ACACA: variants seen among roughly 807,000 people sequenced by gnomAD.
ACACA encodes the protein acetyl-CoA carboxylase alpha, also known as acetyl-CoA carboxylase 1.
ACACA carries 103 observed loss-of-function variants against 296.1 expected under a neutral mutation model. The observed-to-expected ratio is 0.35, with a 90% CI of 0.30 to 0.41. The LOEUF (loss-of-function observed/expected upper bound fraction) is 0.41, where lower values mean the gene tolerates loss of function less well. Ranked by LOEUF, ACACA falls within the 10% of genes least tolerant of loss-of-function variation. The probability of loss-of-function intolerance (pLI) is 1.00; values close to 1 mark genes in which losing one functional copy is unlikely to be tolerated. For synonymous variants in ACACA, 953 were observed against 1,038.6 expected (o/e 0.92, Z 1.58); for missense variants, 1,554 against 2,989.7 (o/e 0.52, Z 11.20).
chr17:37,283,424 T>C lies in ACACA; in HGVS notation c.472-19A>G, dbSNP rs1164776634. 6.2e-7 allele frequency: 1 copy of C among 1,613,240 alleles called. No individual in the cohort carries two copies. Among genetic ancestry groups the C allele is most frequent in the East Asian group, 2.2e-5 (1 of 44,838 alleles). ...TAAGAACCTGGGAGGGGGAAGGAGA[T>C]GGGAATGGGAAGAAAAGGCAGAAAA... On this transcript the variant is annotated intron_variant, in intron 4 of 55. Coordinates refer to ENST00000616317, the MANE Select transcript of ACACA (RefSeq NM_198834.3).
At chr17:37,321,707 C>T (rs2047364080) in intron 3 of ACACA, among the ~76,000 whole-genome samples, 1 of 152,068 alleles carries the variant, frequency 6.6e-6, no homozygotes, top group African/African-American at 2.4e-5. Flanking sequence ...GAGATTGCGC[C>T]ACTGCCCTCC....
At chr17:37,373,338 C>T (rs1244146519) in intron 1 of ACACA, among the ~76,000 whole-genome samples, 1 of 151,954 alleles carries the variant, frequency 6.6e-6, no homozygotes, top group Non-Finnish European at 1.5e-5. Context: ...ACCTCTGCTT[C>T]CTGAGTTCAA....
chr17:37,252,123 A>G lies in ACACA; in HGVS notation c.1978-15T>C, dbSNP rs1172576473. On this transcript the variant is annotated splice_polypyrimidine_tract_variant and intron_variant, in intron 15 of 55. Coordinates refer to ENST00000616317, the MANE Select transcript of ACACA (RefSeq NM_198834.3). The stretch of plus-strand genomic sequence containing the variant: ...GGTCGCTCAGCCTGAAAGGAGGAAA[A>G]AGAGGGCAGATCAAATGCATGGTCA... The G allele has an allele frequency of 6.2e-7, 1 of 1,609,920 alleles. No homozygotes were observed. The highest frequency in any genetic ancestry group is 8.5e-7 in the Non-Finnish European group (1 of 1,176,278).
At position 37,216,188 on chromosome 17, in the gene ACACA, A is replaced by ATGTGTG. The variant is rs2078986029; in HGVS notation, c.3683+5535_3683+5536insCACACA. On this transcript the variant is annotated intron_variant, in intron 29 of 55. Coordinates refer to ENST00000616317, the MANE Select transcript of ACACA (RefSeq NM_198834.3). ...ACACATGTTACATATACATACACAC[A>ATGTGTG]CGTGTGTGTGTGTGTGTGTGTATAT... Among the ~76,000 whole-genome samples the ATGTGTG allele has an allele frequency of 2.8e-5, 3 of 108,448 alleles. No homozygotes were observed. The Admixed American group carries it at 2.9e-4, about 10-fold the overall frequency. 71.1% of individuals were successfully genotyped at this position (108,448 alleles called of 152,430 possible).
chr17:37,401,969 C>T (rs964939384), intron 1 of ACACA, among the ~76,000 whole-genome samples: 9 of 152,138 alleles, frequency 5.9e-5, no homozygotes, highest in Non-Finnish European at 1.0e-4. Flanking sequence ...TGACAAGATA[C>T]AAGTTTTCTT....
chr17:37,142,787 T>C (rs1219724513), intron 45 of ACACA, among the ~76,000 whole-genome samples: 1 of 152,180 alleles, frequency 6.6e-6, no homozygotes, highest in Non-Finnish European at 1.5e-5. Context: ...CTTTCCAAAG[T>C]GCGTTGATTG....
rs73982253 is a variant in ACACA, at chr17:37,168,209, T to C, written c.5080-6159A>G. 1.1e-3 allele frequency among the ~76,000 whole-genome samples: 169 copies of C among 152,302 alleles called. 1 individual carries two copies. Among genetic ancestry groups the C allele is most frequent in the African/African-American group, 4.0e-3 (166 of 41,570 alleles). The stretch of plus-strand genomic sequence containing the variant: ...ATTAAATACATGTTAAGTCCTAGGA[T>C]AGTGCCTGGTATATAGTAAGTGCAT... On this transcript the variant is annotated intron_variant, in intron 41 of 55. Transcript: ENST00000616317.
intron 1 of ACACA, among the ~76,000 whole-genome samples, chr17:37,348,859 G>A (rs1257046449): frequency 1.3e-5 from 2 of 150,128 alleles, no homozygotes; most frequent in Non-Finnish European, 2.9e-5. Context: ...TGAGGCAGGA[G>A]AATGGCGTGA....
At position 37,275,506 on chromosome 17, in the gene ACACA, AAAAAAAAG is replaced by A. The variant is rs1185462625; in HGVS notation, c.901+437_901+444del. ...GTGAGACTCCAACTCAAAAAAAAAAAAAAAAAAGAAAAAAAAAGAAAAAAAACATTGGC... is the reference window on the plus strand; with the variant it reads ...GTGAGACTCCAACTCAAAAAAAAAAAAAAAAAAAAGAAAAAAAACATTGGC... On this transcript the variant is annotated intron_variant, in intron 8 of 55. Coordinates refer to ENST00000616317, the MANE Select transcript of ACACA (RefSeq NM_198834.3). 1.4e-4 allele frequency among the ~76,000 whole-genome samples: 20 copies of A among 147,658 alleles called. No homozygotes were observed. In the East Asian group the frequency reaches 3.9e-3, roughly 29 times the overall value.
intron 2 of ACACA, among the ~76,000 whole-genome samples, chr17:37,334,212 C>T (rs543279382): frequency 2.6e-5 from 4 of 152,116 alleles, no homozygotes; most frequent in Non-Finnish European, 4.4e-5. Context: ...CCCCAAAAAG[C>T]AGGACTTAGT....
In ACACA at chr17:37,284,836, A is replaced by G. The variant is rs2082696302; in HGVS notation, c.471+2T>C. ...AAAATAATTCAGCAAGTTACAACTTACCTTCTCAATCACTTTATTTCCCCC... is the reference window on the plus strand; with the variant it reads ...AAAATAATTCAGCAAGTTACAACTTGCCTTCTCAATCACTTTATTTCCCCC... On this transcript the variant is annotated splice_donor_variant, in intron 4 of 55. Transcript: ENST00000616317. LOFTEE classifies it high-confidence loss of function. 1 of 1,614,098 alleles carries G rather than the reference A, an allele frequency of 6.2e-7. No homozygotes were observed. The highest frequency in any genetic ancestry group is 1.7e-5 in the Admixed American group (1 of 60,006).
At chr17:37,090,072 T>G (rs747992930) in intron 54 of ACACA, among the ~76,000 whole-genome samples, 3 of 152,198 alleles carry the variant, frequency 2.0e-5, no homozygotes, top group Admixed American at 6.5e-5. Flanking sequence ...GTGGGTGTGT[T>G]TGTTAGGGAC....
At position 37,174,020 on chromosome 17, in the gene ACACA, A is replaced by ATTTTTTTTTTTT. The variant is rs71159693; in HGVS notation, c.5079+5228_5079+5239dup. Reference sequence around the variant, plus strand: ...TATATATATATATATATATATATATATTTTTTTTTTTTTTTTTTTTTGTAG... The same window carrying ATTTTTTTTTTTT: ...TATATATATATATATATATATATATATTTTTTTTTTTTTTTTTTTTTTTTTTTTTTTTTGTAG... On this transcript the variant is annotated intron_variant, in intron 41 of 55. Coordinates refer to ENST00000616317, the MANE Select transcript of ACACA (RefSeq NM_198834.3). 7.7e-4 allele frequency among the ~76,000 whole-genome samples: 13 copies of ATTTTTTTTTTTT among 16,798 alleles called. 1 individual carries two copies. Among genetic ancestry groups the ATTTTTTTTTTTT allele is most frequent in the Admixed American group, 5.0e-3 (4 of 794 alleles). The allele number at this position is 16,798 out of a possible 152,430, so 11.0% of individuals were successfully genotyped here.
chr17:37,255,666 T>G (rs2081193842), intron 14 of ACACA, among the ~76,000 whole-genome samples: 1 of 152,214 alleles, frequency 6.6e-6, no homozygotes, highest in Admixed American at 6.5e-5. Context: ...GCAGACTGAA[T>G]AGGAGCTGTG....
chr17:37,115,762 C>T (rs796879297), intron 50 of ACACA, among the ~76,000 whole-genome samples: 10 of 152,054 alleles, frequency 6.6e-5, no homozygotes, highest in South Asian at 4.2e-4. Context: ...ATGAAATGGA[C>T]GTGGGCTCCT....
At chr17:37,179,116 T>C in intron 41 of ACACA, 144 bp downstream of exon 41, 2 of 1,030,586 alleles carry the variant, frequency 1.9e-6, no homozygotes, top group Non-Finnish European at 2.9e-6. Flanking sequence ...AATTAATAAT[T>C]TCTTGATACT....
At chr17:37,330,108 T>C in intron 3 of ACACA, 65 bp downstream of exon 3, 1 of 1,598,428 alleles carries the variant, frequency 6.3e-7, no homozygotes, top group Non-Finnish European at 8.6e-7. Flanking sequence ...CTTGCTCTTT[T>C]CAGAACATAA....
At chr17:37,332,163 C>A (rs1018287355) in intron 2 of ACACA, among the ~76,000 whole-genome samples, 1 of 151,190 alleles carries the variant, frequency 6.6e-6, no homozygotes, top group Non-Finnish European at 1.5e-5. Context: ...CACGTGTTTA[C>A]CTACATAACA....
chr17:37,143,993 A>T (rs1417365132), intron 45 of ACACA: 13 of 823,506 alleles, frequency 1.6e-5, no homozygotes. Flanking sequence ...AACAGGAAGA[A>T]CGCTGAAGGA....
Sources: gnomAD v4.1 joint callset for allele counts (sites outside exome capture counted in the v4.1 genomes callset) on GRCh38, gnomAD v4.1.1 for gene constraint, MANE v1.5 for transcripts, NCBI Gene and HGNC (gene_info 2026-07-23, HGNC 2026-07-21) for gene names.